BSG: variants seen among roughly 807,000 people sequenced by gnomAD.
BSG encodes basigin (Ok blood group).
In BSG, 37 loss-of-function variants were observed where a neutral mutation model predicts 43.1. The observed-to-expected ratio is 0.86, with a 90% confidence interval of 0.66 to 1.13. BSG has a LOEUF of 1.13. Ranked by LOEUF, BSG falls within the 50% of genes most tolerant of loss-of-function variation. The pLI is 0.00. For missense variants in BSG, 599 were observed against 554.2 expected (o/e 1.08, Z -0.81); for synonymous variants, 309 against 238.7 (o/e 1.29, Z -2.72).
chr19:580,995 G>A (rs575050179), intron 5 of BSG, among the ~76,000 whole-genome samples: 1 of 134,238 alleles, frequency 7.4e-6, no homozygotes. Context: ...TGGGGGTCCC[G>A]GACCCAGCCC....
intron 2 of BSG, 173 bp from the exon 3 acceptor site, chr19:579,327 C>T (rs747978958): frequency 2.5e-5 from 22 of 880,186 alleles, no homozygotes; most frequent in Middle Eastern, 2.1e-4. Flanking sequence ...TTCCCGGAGG[C>T]GTGGCCAGAA....
chr19:580,132 G>A (rs1421066771), intron 3 of BSG, among the ~76,000 whole-genome samples: 1 of 148,414 alleles, frequency 6.7e-6, no homozygotes, highest in African/African-American at 2.6e-5. Flanking sequence ...GCAGAGCAGG[G>A]ACCAGAGGTG....
At position 580,781 on chromosome 19, in the gene BSG, A is replaced by G. The variant is rs866173837; in HGVS notation, c.791A>G (p.Lys264Arg). The change falls in exon 5 of 9, where the codon AAG becomes AGG. Residue 264 changes from lysine (K) to arginine (R), a missense_variant and splice_region_variant. By Grantham distance (26) the Lys-to-Arg change is conservative. Transcript: ENST00000333511. The stretch of plus-strand genomic sequence containing the variant: ...TACAAGATCACTGACTCTGAGGACA[A>G]GGTGAGAAGCCAAGGAGGCTGGGGG... Reference protein sequence around the residue: ...AWYKITDSEDKALMNGSESRF... With the variant: ...AWYKITDSEDRALMNGSESRF... The G allele has an allele frequency of 1.3e-6, 2 of 1,589,724 alleles. No individual in the cohort carries two copies. The highest frequency in any genetic ancestry group is 1.1e-5 in the South Asian group (1 of 88,702).
chr19:579,276 C>T (rs1172007224), intron 2 of BSG: 2 of 678,464 alleles, frequency 2.9e-6, no homozygotes, highest in Non-Finnish European at 5.3e-6. Flanking sequence ...AAGGGGGTGC[C>T]TTCCCGAAGG....
Position 581,315 on chromosome 19 carries a change from G to A in BSG, c.793G>A (p.Ala265Thr), listed in dbSNP as rs748945041. Residue 265 changes from alanine (A) to threonine (T), a missense_variant and splice_region_variant, in exon 6 of 9, where the codon GCC becomes ACC. Physicochemically the swap from Ala to Thr is moderately conservative, Grantham distance 58 (BLOSUM62 0). Transcript: ENST00000333511. The part of the protein sequence containing the change: ...WYKITDSEDK[A>T]LMNGSESRFF... ...TCAGCCCTTGCCTTTGGTCCCCTAGGCCCTCATGAACGGCTCCGAGAGCAG... is the reference window on the plus strand; with the variant it reads ...TCAGCCCTTGCCTTTGGTCCCCTAGACCCTCATGAACGGCTCCGAGAGCAG... 2 of 1,610,862 alleles carry A rather than the reference G, an allele frequency of 1.2e-6. No homozygotes were observed. The highest frequency in any genetic ancestry group is 1.7e-6 in the Non-Finnish European group (2 of 1,178,610).
chr19:572,679 C>T lies in BSG; in HGVS notation c.45C>T (p.Gly15=), dbSNP rs1981366899. Residue 15 remains glycine (G), a synonymous_variant, in exon 1 of 9, where the codon GGC becomes GGT. Transcript: ENST00000333511. The stretch of plus-strand genomic sequence containing the variant: ...TGCTGCTGGGATTCGCGCTGCTGGG[C>T]ACCCACGGAGCCTCCGGGGCTGGTG... ...LFVLLGFALL[G]THGASGAAGF... The T allele has an allele frequency of 6.7e-7, 1 of 1,498,494 alleles. No individual in the cohort carries two copies. 92.8% of individuals were successfully genotyped at this position (1,498,494 alleles called of 1,614,324 possible). A position where few individuals can be genotyped will look rare whatever the true frequency, so the allele number is the denominator to read the frequency against.
At chr19:581,656 C>A in intron 6 of BSG, 65 bp downstream of exon 6, 2 of 1,486,114 alleles carry the variant, frequency 1.3e-6, no homozygotes, top group South Asian at 2.6e-5. Context: ...ACTCCTGGTC[C>A]GTCCCTGCCA....
At chr19:572,952 C>G (rs1305747141) in intron 1 of BSG, among the ~76,000 whole-genome samples, 1 of 149,720 alleles carries the variant, frequency 6.7e-6, no homozygotes, top group South Asian at 2.2e-4. Context: ...CGAGCCCGGC[C>G]TCTGTGTGTG....
rs998231190 is a variant in BSG at position 579,257 on chromosome 19, G to C, written c.416-243G>C. 12 of 471,716 alleles carry C rather than the reference G, an allele frequency of 2.5e-5. No individual in the cohort carries two copies. In the African/African-American group the frequency reaches 3.0e-4, roughly 12 times the overall value. 29.2% of individuals were successfully genotyped at this position (471,716 alleles called of 1,614,324 possible). ...GGCCCGCCAGCTGCCAGCGAAGGGT[G>C]CCTTCCCGAAGGGGGTGCCTTCCCG... On this transcript the variant is annotated intron_variant, in intron 2 of 8. Transcript: ENST00000333511.
intron 2 of BSG, chr19:578,914 A>G (rs1461333008): frequency 2.4e-6 from 1 of 411,792 alleles, no homozygotes. Flanking sequence ...GTATTTTTAG[A>G]AGAGACGGGG....
chr19:576,771 G>A (rs28921981), intron 1 of BSG, among the ~76,000 whole-genome samples: 39 of 108,250 alleles, frequency 3.6e-4, no homozygotes, highest in South Asian at 8.0e-4. Context: ...AAGAAGAAGA[G>A]GAGAAAGAAA....
At chr19:573,994 C>T (rs1981529076) in intron 1 of BSG, among the ~76,000 whole-genome samples, 1 of 152,238 alleles carries the variant, frequency 6.6e-6, no homozygotes, top group East Asian at 1.9e-4. Flanking sequence ...GTGGCTCACA[C>T]CTGTAATCCC....
Position 581,300 on chromosome 19 carries a change from C to A in BSG, c.793-15C>A, listed in dbSNP as rs1038778931. On this transcript the variant is annotated splice_polypyrimidine_tract_variant and intron_variant, in intron 5 of 8. Transcript: ENST00000333511. ...CTGGGGGTCCTGGACTCAGCCCTTG[C>A]CTTTGGTCCCCTAGGCCCTCATGAA... 6.2e-7 allele frequency: 1 copy of A among 1,605,368 alleles called. No homozygotes were observed. Among genetic ancestry groups the A allele is most frequent in the Admixed American group, 1.7e-5 (1 of 59,634 alleles).
At chr19:574,759 T>G (rs1981615704) in intron 1 of BSG, among the ~76,000 whole-genome samples, 1 of 152,168 alleles carries the variant, frequency 6.6e-6, no homozygotes, top group African/African-American at 2.4e-5. Flanking sequence ...ACGTCTGAGA[T>G]TTCGTCTTCC....
intron 1 of BSG, 118 bp from the exon 2 acceptor site, chr19:577,656 A>G: frequency 1.2e-6 from 1 of 829,454 alleles, no homozygotes; most frequent in Non-Finnish European, 1.7e-6. Context: ...CACAAGCTGA[A>G]AGGAAGTGGC....
In BSG at chr19:578,104, T is replaced by A. The variant is rs982710657; in HGVS notation, c.398T>A (p.Val133Asp). ...PRVKWVRAQA[V>D]VLVLEPGTVF... ...GTCAAGTGGGTCCGCGCCCAGGCAG[T>A]CGTGCTAGTCCTGGAACGTGAGTGG... The change falls in exon 2 of 9, where the codon GTC becomes GAC. Residue 133 changes from valine (V) to aspartate (D), a missense_variant. By Grantham distance (152) the Val-to-Asp change is radical. Coordinates refer to ENST00000333511, the MANE Select transcript of BSG (RefSeq NM_001728.4). The A allele has an allele frequency of 6.3e-7, 1 of 1,586,248 alleles. No homozygotes were observed. The highest frequency in any genetic ancestry group is 2.3e-5 in the East Asian group (1 of 44,010).
intron 1 of BSG, among the ~76,000 whole-genome samples, chr19:575,619 G>A (rs916169903): frequency 4.0e-5 from 6 of 150,380 alleles, no homozygotes; most frequent in East Asian, 2.0e-4. Context: ...TGGGGAGGAG[G>A]GCGGGTGGGG....
rs771567524 is a variant in BSG, at chr19:577,938, C to T, written c.232C>T (p.Arg78Cys). The T allele has an allele frequency of 1.7e-5, 27 of 1,608,066 alleles. No homozygotes were observed. Among genetic ancestry groups the T allele is most frequent in the African/African-American group, 5.3e-5 (4 of 74,852 alleles). The change falls in exon 2 of 9, where the codon CGC (arginine) becomes TGC (cysteine). Residue 78 changes from arginine (R) to cysteine (C), a missense_variant. Physicochemically the swap from Arg to Cys is radical, Grantham distance 180. Transcript: ENST00000333511. ...SQLWDGARLD[R>C]VHIHATYHQH... ...GCTCTGGGACGGCGCCCGGCTGGAC[C>T]GCGTCCACATCCACGCCACCTACCA...
In BSG at chr19:579,669, C is replaced by G. The variant is rs375962499; in HGVS notation, c.572+13C>G. 114 of 1,592,044 alleles carry G rather than the reference C, an allele frequency of 7.2e-5. No individual in the cohort carries two copies. The African/African-American group carries it at 9.4e-4, about 13-fold the overall frequency. On this transcript the variant is annotated intron_variant, in intron 3 of 8. Transcript: ENST00000333511. ...AAACGGAGTTCAAGTGAGTGCCTGA[C>G]CACGCCATGCCGCCACCTGCCCCTT...
Sources: allele counts gnomAD v4.1 joint callset (sites outside exome capture counted in the v4.1 genomes callset), GRCh38; gene constraint gnomAD v4.1.1; transcripts MANE v1.5; gene names NCBI Gene and HGNC (gene_info 2026-07-23, HGNC 2026-07-21).